The following FBN3 variants were observed in gnomAD, a reference collection of about 807,000 sequenced individuals.
FBN3 encodes fibrillin-3.
In FBN3, 234 loss-of-function variants were observed where a neutral mutation model predicts 330.1. The observed-to-expected ratio is 0.71, with a 90% CI of 0.64 to 0.79. FBN3 has a LOEUF of 0.79. Among genes scored for constraint, FBN3 ranks in the 30% least tolerant of loss-of-function variants. FBN3 has a pLI of 0.00. For synonymous variants in FBN3, 1,458 were observed against 1,517.3 expected, an observed-to-expected ratio of 0.96 and a Z score of 0.91; for missense variants, 3,606 against 3,886.9, an observed-to-expected ratio of 0.93 and a Z score of 1.92.
chr19:8,093,035 C>G (rs1462472508), intron 47 of FBN3, among the ~76,000 whole-genome samples: 1 of 151,656 alleles, frequency 6.6e-6, no homozygotes, highest in Non-Finnish European at 1.5e-5. Flanking sequence ...CAAAAACCAC[C>G]TGTTCCCCCA....
intron 10 of FBN3, among the ~76,000 whole-genome samples, chr19:8,136,923 G>GA: frequency 7.0e-6 from 1 of 143,192 alleles, no homozygotes; most frequent in Non-Finnish European, 1.5e-5. Context: ...CCTCCAACCT[G>GA]GGCCTGGATC....
In FBN3 at chr19:8,109,469, A is replaced by G; in HGVS notation, c.4457-81T>C. On this transcript the variant is annotated intron_variant, in intron 35 of 63. Coordinates refer to ENST00000600128, the MANE Select transcript of FBN3 (RefSeq NM_032447.5). This position sits in a 1 kb window ranked among gnomAD's most constrained non-coding sequence, Gnocchi z 5.2. ...CGTGTGCATGCATGTGTCTATTTCA[A>G]CAGGTGACAAGGACAACCACTCTTG... 1 of 1,564,846 alleles carries G rather than the reference A, an allele frequency of 6.4e-7. No homozygotes were observed. The highest frequency in any genetic ancestry group is 8.7e-7 in the Non-Finnish European group (1 of 1,143,114).
At chr19:8,105,708 A>C (rs2082423244) in intron 38 of FBN3, among the ~76,000 whole-genome samples, 1 of 152,222 alleles carries the variant, frequency 6.6e-6, no homozygotes, top group South Asian at 2.1e-4. Flanking sequence ...GTCACCAAAA[A>C]TAGCAGAGCA....
intron 63 of FBN3, among the ~76,000 whole-genome samples, chr19:8,070,978 C>T (rs1007188176): frequency 2.0e-5 from 3 of 149,840 alleles, no homozygotes; most frequent in East Asian, 2.0e-4. Context: ...GCCGAGATCA[C>T]GCCATTGCAT....
chr19:8,129,950 T>C lies in FBN3; in HGVS notation c.2045-585A>G, dbSNP rs1035304215. ...TCTCACTCTGTCGCACAGGCTGGAG[T>C]GCAGTGGTGCGATCTCGGCTCACTG... On this transcript the variant is annotated intron_variant, in intron 16 of 63. Coordinates refer to ENST00000600128, the MANE Select transcript of FBN3 (RefSeq NM_032447.5). The surrounding 1 kb of genome is among the most constrained non-coding windows in gnomAD (Gnocchi z 4.5). Among the ~76,000 whole-genome samples, 1 of 151,650 alleles carries C rather than the reference T, an allele frequency of 6.6e-6. No homozygotes were observed. Among genetic ancestry groups the C allele is most frequent in the Non-Finnish European group, 1.5e-5 (1 of 67,900 alleles).
chr19:8,095,853 T>C, intron 45 of FBN3, 111 bp downstream of exon 45: 1 of 674,074 alleles, frequency 1.5e-6, no homozygotes, highest in African/African-American at 1.8e-5. Context: ...TTATTTAATT[T>C]CTAAATAATC....
Position 8,109,814 on chromosome 19 carries a change from G to C in FBN3, c.4334-61C>G, listed in dbSNP as rs951429918. Reference sequence around the variant, plus strand: ...CCTTCCTCGGCCCCCCTCCCTCCTAGCTTCATCCTGGGAAGCTACAGCCCT... The same window carrying C: ...CCTTCCTCGGCCCCCCTCCCTCCTACCTTCATCCTGGGAAGCTACAGCCCT... On this transcript the variant is annotated intron_variant, in intron 34 of 63. Transcript: ENST00000600128. This position sits in a 1 kb window ranked among gnomAD's most constrained non-coding sequence, Gnocchi z 5.2. The C allele has an allele frequency of 4.2e-6, 6 of 1,435,780 alleles. No individual in the cohort carries two copies. The African/African-American group carries it at 7.2e-5, about 17-fold the overall frequency. 88.9% of individuals were successfully genotyped at this position (1,435,780 alleles called of 1,614,324 possible).
rs765147939 is a variant in FBN3, at chr19:8,065,924, G to A, written c.8425C>T (p.Leu2809Phe). The part of the protein sequence containing the change: ...ALRLKVQLQL[L>F] ...CCCACTGAGGCTCCTCCCAACTAAA[G>A]CAACTGCAGCTGCACCTTCAGCCTC... The change falls in exon 64 of 64, where the codon CTT becomes TTT. Residue 2809 changes from leucine to phenylalanine, a missense_variant. Leu to Phe is a conservative substitution (Grantham distance 22). Transcript: ENST00000600128. The A allele has an allele frequency of 6.4e-7, 1 of 1,570,328 alleles. No individual in the cohort carries two copies. Among genetic ancestry groups the A allele is most frequent in the Non-Finnish European group, 8.6e-7 (1 of 1,156,534 alleles).
At chr19:8,127,240 T>C (rs1005639196) in intron 18 of FBN3, among the ~76,000 whole-genome samples, 1 of 151,820 alleles carries the variant, frequency 6.6e-6, no homozygotes, top group East Asian at 1.9e-4. Flanking sequence ...TTTGTATTTT[T>C]AGTAGAGACA....
chr19:8,113,879 G>T (rs75881020), intron 30 of FBN3, among the ~76,000 whole-genome samples: 10 of 150,170 alleles, frequency 6.7e-5, no homozygotes, highest in Non-Finnish European at 1.5e-4. Flanking sequence ...GTGGCGGCAC[G>T]TGTGGGAGGC....
chr19:8,086,168 T>C (rs1034459625), intron 55 of FBN3, 32 bp downstream of exon 55: 8 of 1,393,232 alleles, frequency 5.7e-6, no homozygotes, highest in Non-Finnish European at 5.8e-6. Flanking sequence ...GGTAGGTGGT[T>C]GCAACCACTG....
In FBN3 at chr19:8,129,179, G is replaced by A; in HGVS notation, c.2171-26C>T. On this transcript the variant is annotated intron_variant, in intron 17 of 63. Transcript: ENST00000600128. The surrounding 1 kb of genome is among the most constrained non-coding windows in gnomAD (Gnocchi z 4.5). ...CTGTGGGGTGGGGGTGGGAGAGAGG[G>A]GTGAGGGGTCTGCAGTGGGAGAGGC... 1.2e-6 allele frequency: 2 copies of A among 1,612,284 alleles called. No individual in the cohort carries two copies. Among genetic ancestry groups the A allele is most frequent in the Non-Finnish European group, 1.7e-6 (2 of 1,179,196 alleles).
intron 1 of FBN3, among the ~76,000 whole-genome samples, chr19:8,148,187 C>T (rs780066128): frequency 2.0e-5 from 3 of 152,142 alleles, no homozygotes; most frequent in South Asian, 4.1e-4. Context: ...TGTGTCCCCT[C>T]GCCTCCACAT....
intron 22 of FBN3, among the ~76,000 whole-genome samples, chr19:8,124,624 G>A (rs557730154): frequency 6.1e-5 from 9 of 147,762 alleles, no homozygotes; most frequent in South Asian, 2.2e-4. Flanking sequence ...TGCAACCTCC[G>A]CCTCCCGGGT....
In FBN3 at chr19:8,135,958, C is replaced by T. The variant is rs778896176; in HGVS notation, c.1591+3G>A. 3 of 1,392,916 alleles carry T rather than the reference C, an allele frequency of 2.2e-6. No homozygotes were observed. Among genetic ancestry groups the T allele is most frequent in the Non-Finnish European group, 3.0e-6 (3 of 1,014,376 alleles). 86.3% of individuals were successfully genotyped at this position (1,392,916 alleles called of 1,614,324 possible). A position where few individuals can be genotyped will look rare whatever the true frequency, so the allele number is the denominator to read the frequency against. On this transcript the variant is annotated splice_donor_region_variant and intron_variant, in intron 13 of 63. Transcript: ENST00000600128. ...CCTGCCCACCCGCCCACCCCCAACT[C>T]ACCCACACAGTTCTTGCCGTCAGGG...
intron 61 of FBN3, among the ~76,000 whole-genome samples, chr19:8,073,611 C>T (rs2081573503): frequency 6.6e-6 from 1 of 152,238 alleles, no homozygotes; most frequent in Non-Finnish European, 1.5e-5. Context: ...GAGGAGGCCT[C>T]CTTGCACTGT....
In FBN3 at chr19:8,109,876, C is replaced by T; in HGVS notation, c.4334-123G>A. ...AACTCCTGGGCACCAGATTGTGGGA[C>T]AATGTCATGTCCTTCCCTGGGAAGA... is the stretch of plus-strand genomic sequence containing the variant. On this transcript the variant is annotated intron_variant, in intron 34 of 63. Coordinates refer to ENST00000600128, the MANE Select transcript of FBN3 (RefSeq NM_032447.5). This position sits in a 1 kb window ranked among gnomAD's most constrained non-coding sequence, Gnocchi z 5.2. 3 of 1,111,562 alleles carry T rather than the reference C, an allele frequency of 2.7e-6. No homozygotes were observed. The highest frequency in any genetic ancestry group is 2.2e-5 in the South Asian group (1 of 46,080). 68.9% of individuals were successfully genotyped at this position (1,111,562 alleles called of 1,614,324 possible).
chr19:8,144,369 C>G (rs930246241), intron 6 of FBN3, among the ~76,000 whole-genome samples: 7 of 150,180 alleles, frequency 4.7e-5, no homozygotes, highest in Admixed American at 6.7e-5. Context: ...TGCACTCTAG[C>G]CCGAAAGAGC....
At chr19:8,090,021 AG>A in intron 49 of FBN3, 62 bp from the exon 50 acceptor site, 2 of 1,599,396 alleles carry the variant, frequency 1.3e-6, no homozygotes, top group Non-Finnish European at 1.7e-6. Flanking sequence ...AGGTGTGTGC[AG>A]GGAAGGATGA....
Sources: gnomAD v4.1 joint callset for allele counts (sites outside exome capture counted in the v4.1 genomes callset) on GRCh38, gnomAD v4.1.1 for gene constraint, Gnocchi (gnomAD v3.1) non-coding constraint, MANE v1.5 for transcripts, NCBI Gene and HGNC (gene_info 2026-07-23, HGNC 2026-07-21) for gene names.